The following GRIN2B variants were observed in gnomAD, a reference collection of about 807,000 sequenced individuals.
GRIN2B encodes the protein glutamate receptor ionotropic, NMDA 2B.
GRIN2B carries 5 observed loss-of-function variants against 114.5 expected under a neutral mutation model. That is an observed-to-expected ratio of 0.04 (90% CI 0.02 to 0.09). The LOEUF (loss-of-function observed/expected upper bound fraction) is 0.09. GRIN2B is among the 10% of genes least tolerant of loss of function. The probability of loss-of-function intolerance (pLI) is 1.00; values close to 1 mark genes in which losing one functional copy is unlikely to be tolerated. For missense variants in GRIN2B, 1,108 were observed against 1,943.5 expected, an observed-to-expected ratio of 0.57 and a Z score of 8.08; for synonymous variants, 787 against 745.1, an observed-to-expected ratio of 1.06 and a Z score of -0.92.
At chr12:13,947,548 T>C (rs1487625309) in intron 2 of GRIN2B, among the ~76,000 whole-genome samples, 1 of 152,186 alleles carries the variant, frequency 6.6e-6, no homozygotes, top group Non-Finnish European at 1.5e-5. Context: ...TACGTGGTTT[T>C]CCCATACATC....
At chr12:13,723,299 C>G (rs954336663) in intron 4 of GRIN2B, among the ~76,000 whole-genome samples, 1 of 151,924 alleles carries the variant, frequency 6.6e-6, no homozygotes, top group East Asian at 1.9e-4. Flanking sequence ...AGCCCCCCAC[C>G]TTTTGTTTTT....
chr12:13,957,756 A>T (rs891199011), intron 2 of GRIN2B, among the ~76,000 whole-genome samples: 8 of 152,156 alleles, frequency 5.3e-5, no homozygotes, highest in Non-Finnish European at 7.3e-5. Flanking sequence ...TCCCTTGATG[A>T]CGATGCAGGC....
intron 4 of GRIN2B, among the ~76,000 whole-genome samples, chr12:13,680,957 C>T (rs1283614964): frequency 2.0e-5 from 3 of 152,064 alleles, no homozygotes; most frequent in African/African-American, 7.2e-5. Flanking sequence ...CTTTATATGG[C>T]CAAAGTCACA....
intron 5 of GRIN2B, among the ~76,000 whole-genome samples, chr12:13,631,290 A>T (rs1352682897): frequency 6.6e-6 from 1 of 152,164 alleles, no homozygotes; most frequent in Non-Finnish European, 1.5e-5. Context: ...TTTCGCCAAG[A>T]GCATGAAGAC....
intron 4 of GRIN2B, among the ~76,000 whole-genome samples, chr12:13,743,710 T>C (rs1488688518): frequency 6.6e-6 from 1 of 152,080 alleles, no homozygotes; most frequent in Non-Finnish European, 1.5e-5. Flanking sequence ...ATCCTTGCAG[T>C]GAATAAAAGA....
chr12:13,623,889 A>T (rs1949543041), intron 5 of GRIN2B, among the ~76,000 whole-genome samples: 1 of 152,168 alleles, frequency 6.6e-6, no homozygotes, highest in Admixed American at 6.5e-5. Flanking sequence ...TGGTATTAGT[A>T]TACTTTTGCA....
At chr12:13,757,903 A>G (rs1343375142) in intron 3 of GRIN2B, among the ~76,000 whole-genome samples, 1 of 152,166 alleles carries the variant, frequency 6.6e-6, no homozygotes, top group Admixed American at 6.5e-5. Context: ...AGCAGTACCT[A>G]AGATTCCTCT....
intron 2 of GRIN2B, among the ~76,000 whole-genome samples, chr12:13,893,286 T>G (rs1158258121): frequency 2.0e-5 from 3 of 152,142 alleles, no homozygotes; most frequent in Non-Finnish European, 4.4e-5. Context: ...TGAAGAAGCA[T>G]GTGTTTCTAT....
At chr12:13,928,032 C>A (rs1565589899) in intron 2 of GRIN2B, among the ~76,000 whole-genome samples, 1 of 143,844 alleles carries the variant, frequency 7.0e-6, no homozygotes, top group Non-Finnish European at 1.5e-5. Context: ...AAGTTGGAGG[C>A]CAGGCGCAGT....
At chr12:13,784,273 A>G (rs1325336417) in intron 3 of GRIN2B, among the ~76,000 whole-genome samples, 1 of 147,540 alleles carries the variant, frequency 6.8e-6, no homozygotes, top group Admixed American at 6.8e-5. Flanking sequence ...CTTTGCTGTC[A>G]TAGCTATCTA....
intron 2 of GRIN2B, among the ~76,000 whole-genome samples, chr12:13,917,702 AC>A (rs1259996608): frequency 6.6e-6 from 1 of 152,218 alleles, no homozygotes; most frequent in Non-Finnish European, 1.5e-5. Flanking sequence ...TAGAACATTC[AC>A]AGAAAACGAT....
chr12:13,581,601 C>T (rs1266404779), intron 10 of GRIN2B, among the ~76,000 whole-genome samples: 1 of 152,170 alleles, frequency 6.6e-6, no homozygotes, highest in East Asian at 1.9e-4. Context: ...AGGAGGTAAT[C>T]TGTGCTTACA....
chr12:13,744,397 G>A (rs1863337415), intron 4 of GRIN2B, among the ~76,000 whole-genome samples: 1 of 152,180 alleles, frequency 6.6e-6, no homozygotes, highest in African/African-American at 2.4e-5. Flanking sequence ...TCTGGATGAG[G>A]AATACATGCA....
rs57259908 is a variant in GRIN2B, at chr12:13,690,373, TCACACACACA to T, written c.1011-14524_1011-14515del. Among the ~76,000 whole-genome samples, 1,086 of 143,338 alleles carry T rather than the reference TCACACACACA, an allele frequency of 7.6e-3. 9 individuals carry two copies. The highest frequency in any genetic ancestry group is 0.013 in the Non-Finnish European group (857 of 65,988). 94.0% of individuals were successfully genotyped at this position (143,338 alleles called of 152,430 possible). A position where few individuals can be genotyped will look rare whatever the true frequency, so the allele number is the denominator to read the frequency against. On this transcript the variant is annotated intron_variant, in intron 4 of 13. Transcript: ENST00000609686. ...TTTTTTGCCTCTCTCTCTCTCTCTC[TCACACACACA>T]CACACACACACATGCAACTGGCATT...
At chr12:13,566,908 T>C in intron 13 of GRIN2B, 117 bp downstream of exon 13, 2 of 787,690 alleles carry the variant, frequency 2.5e-6, no homozygotes. Context: ...CATGATGTGG[T>C]TTCTTGCTTG....
At chr12:13,694,942 C>T (rs1950247889) in intron 4 of GRIN2B, among the ~76,000 whole-genome samples, 1 of 151,754 alleles carries the variant, frequency 6.6e-6, no homozygotes, top group Non-Finnish European at 1.5e-5. Context: ...TTTCATTCTT[C>T]CCTCTTCATA....
chr12:13,553,814 T>G lies in GRIN2B; in HGVS notation c.*8969A>C, dbSNP rs1453555759. 2 of 152,186 alleles carry G rather than the reference T, an allele frequency of 1.3e-5. No homozygotes were observed. The highest frequency in any genetic ancestry group is 2.9e-5 in the Non-Finnish European group (2 of 68,024). 9.4% of individuals were successfully genotyped at this position (152,186 alleles called of 1,614,324 possible). On this transcript the variant is annotated 3_prime_UTR_variant, in exon 14 of 14. Coordinates refer to ENST00000609686, the MANE Select transcript of GRIN2B (RefSeq NM_000834.5). Reference sequence around the variant, plus strand: ...GCTGATACCTAAAATTTGATCAATATCCTTCATAGTTTCTCCCTCTGTCAC... The same window carrying G: ...GCTGATACCTAAAATTTGATCAATAGCCTTCATAGTTTCTCCCTCTGTCAC...
chr12:13,960,327 T>G (rs1867667290), intron 2 of GRIN2B, among the ~76,000 whole-genome samples: 1 of 152,208 alleles, frequency 6.6e-6, no homozygotes, highest in African/African-American at 2.4e-5. Context: ...ACTGTATTAC[T>G]ATTATTCTCC....
chr12:13,654,819 A>G (rs1949846814), intron 5 of GRIN2B, among the ~76,000 whole-genome samples: 1 of 151,972 alleles, frequency 6.6e-6, no homozygotes, highest in Non-Finnish European at 1.5e-5. Flanking sequence ...GAAAAGCTAG[A>G]TTTGCCTCCA....
Sources: allele counts gnomAD v4.1 joint callset (sites outside exome capture counted in the v4.1 genomes callset), GRCh38; gene constraint gnomAD v4.1.1; transcripts MANE v1.5; gene names NCBI Gene and HGNC (gene_info 2026-07-23, HGNC 2026-07-21).